The following SGCZ variants were observed in gnomAD, a reference collection of about 807,000 sequenced individuals.
SGCZ encodes the protein zeta-sarcoglycan.
Under a neutral mutation model 41.3 loss-of-function variants are expected in SGCZ, and 40 were observed. The ratio of observed to expected loss-of-function variants is 0.97; its 90% CI spans 0.75 to 1.26. The LOEUF (loss-of-function observed/expected upper bound fraction) is 1.26, where lower values mean the gene tolerates loss of function less well. Ranked by LOEUF, SGCZ falls within the 50% of genes most tolerant of loss-of-function variation. The pLI, the probability that SGCZ is intolerant of heterozygous loss-of-function variation, is 0.00. For missense variants in SGCZ, 552 were observed against 369.8 expected (o/e 1.49, Z -4.04); for synonymous variants, 206 against 137.5 (o/e 1.50, Z -3.49).
At chr8:14,272,008 G>C (rs540965530) in intron 3 of SGCZ, among the ~76,000 whole-genome samples, 3 of 152,040 alleles carry the variant, frequency 2.0e-5, no homozygotes, top group Admixed American at 2.0e-4. Context: ...AATGCCCTAA[G>C]TAATTTTATT....
At chr8:14,623,681 T>A (rs1483434226) in intron 1 of SGCZ, among the ~76,000 whole-genome samples, 2 of 152,214 alleles carry the variant, frequency 1.3e-5, no homozygotes, top group Non-Finnish European at 2.9e-5. Context: ...GTAATGTTTA[T>A]AATTTTTAAC....
At chr8:14,778,842 A>T (rs1800494502) in intron 1 of SGCZ, among the ~76,000 whole-genome samples, 2 of 152,368 alleles carry the variant, frequency 1.3e-5, no homozygotes, top group South Asian at 4.1e-4. Flanking sequence ...TGAAGAGGAT[A>T]TGAATTAACA....
intron 1 of SGCZ, among the ~76,000 whole-genome samples, chr8:14,565,212 A>G (rs1161252274): frequency 6.6e-6 from 1 of 152,228 alleles, no homozygotes; most frequent in Non-Finnish European, 1.5e-5. Context: ...AATTTTTTTC[A>G]GTCATTCTTA....
chr8:14,205,433 A>G (rs1805587078), intron 4 of SGCZ, among the ~76,000 whole-genome samples: 1 of 152,180 alleles, frequency 6.6e-6, no homozygotes. Flanking sequence ...TGCAGAGGTT[A>G]TGTAAGAAAT....
At chr8:14,850,928 G>A (rs147547845) in intron 1 of SGCZ, among the ~76,000 whole-genome samples, 20 of 152,194 alleles carry the variant, frequency 1.3e-4, no homozygotes, top group African/African-American at 2.6e-4. Context: ...CTCTCCAGCC[G>A]TACTGTGATT....
At chr8:14,104,914 C>G (rs1487834137) in intron 6 of SGCZ, among the ~76,000 whole-genome samples, 3 of 152,088 alleles carry the variant, frequency 2.0e-5, no homozygotes, top group East Asian at 1.9e-4. Context: ...CATTTATTTT[C>G]TTATTCAGTA....
At chr8:15,217,806 TG>T (rs1801461712) in intron 1 of SGCZ, among the ~76,000 whole-genome samples, 1 of 152,126 alleles carries the variant, frequency 6.6e-6, no homozygotes, top group South Asian at 2.1e-4. Flanking sequence ...ACTAGGGCTC[TG>T]GCTGTGCGTG....
At chr8:14,775,991 A>G (rs969369467) in intron 1 of SGCZ, among the ~76,000 whole-genome samples, 1 of 152,220 alleles carries the variant, frequency 6.6e-6, no homozygotes, top group African/African-American at 2.4e-5. Flanking sequence ...CCATCGTGGA[A>G]ACACAGAAAC....
At chr8:14,282,064 G>C (rs1404201938) in intron 3 of SGCZ, among the ~76,000 whole-genome samples, 2 of 151,844 alleles carry the variant, frequency 1.3e-5, no homozygotes, top group Admixed American at 6.6e-5. Flanking sequence ...AATAAACTTA[G>C]TCTTTCTATA....
At chr8:15,223,212 G>A (rs1051534770) in intron 1 of SGCZ, among the ~76,000 whole-genome samples, 8 of 151,862 alleles carry the variant, frequency 5.3e-5, no homozygotes, top group South Asian at 4.2e-4. Context: ...CCAAAGATAC[G>A]GAAAATAAAA....
In SGCZ at chr8:14,702,848, G is replaced by C. The variant is rs1003478681; in HGVS notation, c.40-147922C>G. Among the ~76,000 whole-genome samples, 17 of 136,350 alleles carry C rather than the reference G, an allele frequency of 1.2e-4. 1 individual carries two copies. The highest frequency in any genetic ancestry group is 4.5e-4 in the African/African-American group (17 of 37,848). 89.5% of individuals were successfully genotyped at this position (136,350 alleles called of 152,430 possible). A position where few individuals can be genotyped will look rare whatever the true frequency, so the allele number is the denominator to read the frequency against. ...AGATAGATAGATAGATAGATAGATA[G>C]ATAGATAGATAGATAGATAGATAGA... On this transcript the variant is annotated intron_variant, in intron 1 of 7. Coordinates refer to ENST00000382080, the MANE Select transcript of SGCZ (RefSeq NM_139167.4).
chr8:14,964,941 C>G (rs1416018507), intron 1 of SGCZ, among the ~76,000 whole-genome samples: 1 of 152,118 alleles, frequency 6.6e-6, no homozygotes, highest in South Asian at 2.1e-4. Flanking sequence ...CCTAAGGCCA[C>G]TCAACTCGCT....
chr8:14,690,362 C>T (rs1216651081), intron 1 of SGCZ: 5 of 152,074 alleles, frequency 3.3e-5, no homozygotes, highest in Admixed American at 2.6e-4. Context: ...GCTAGGGTCC[C>T]AGCAACCCAG....
At chr8:14,643,835 T>C (rs189833566) in intron 1 of SGCZ, among the ~76,000 whole-genome samples, 1 of 151,808 alleles carries the variant, frequency 6.6e-6, no homozygotes, top group African/African-American at 2.4e-5. Flanking sequence ...ACAGAAACCC[T>C]CTTTTCACAG....
chr8:14,231,611 C>T (rs1806574952), intron 4 of SGCZ, among the ~76,000 whole-genome samples: 1 of 151,902 alleles, frequency 6.6e-6, no homozygotes, highest in South Asian at 2.1e-4. Flanking sequence ...CATTTGTCTC[C>T]CATCCACAAT....
chr8:14,932,946 G>A (rs1799960138), intron 1 of SGCZ, among the ~76,000 whole-genome samples: 1 of 151,914 alleles, frequency 6.6e-6, no homozygotes, highest in African/African-American at 2.4e-5. Flanking sequence ...AATTAACACA[G>A]GAAGGGAAAA....
intron 2 of SGCZ, among the ~76,000 whole-genome samples, chr8:14,340,167 G>T (rs1409756249): frequency 6.6e-6 from 1 of 151,832 alleles, no homozygotes; most frequent in Non-Finnish European, 1.5e-5. Flanking sequence ...TCCAGTCTAT[G>T]ATATAATATC....
At chr8:14,591,360 T>C (rs769415863) in intron 1 of SGCZ, among the ~76,000 whole-genome samples, 11 of 152,040 alleles carry the variant, frequency 7.2e-5, no homozygotes, top group Non-Finnish European at 1.5e-4. Flanking sequence ...AATGAATTGA[T>C]ATGTTATTAA....
chr8:14,135,220 A>C lies in SGCZ; in HGVS notation c.548-26985T>G, dbSNP rs373808957. The stretch of plus-strand genomic sequence containing the variant: ...AGTAATTTTGTTTAAATGAATAAAT[A>C]ATAAAATAAATTCAAAGCTTTTTCA... On this transcript the variant is annotated intron_variant, in intron 5 of 7. Coordinates refer to ENST00000382080, the MANE Select transcript of SGCZ (RefSeq NM_139167.4). Among the ~76,000 whole-genome samples, 17 of 152,382 alleles carry C rather than the reference A, an allele frequency of 1.1e-4. No homozygotes were observed. The South Asian group carries it at 3.5e-3, about 32-fold the overall frequency.
Sources: gnomAD v4.1 joint callset for allele counts (sites outside exome capture counted in the v4.1 genomes callset) on GRCh38, gnomAD v4.1.1 for gene constraint, MANE v1.5 for transcripts, NCBI Gene and HGNC (gene_info 2026-07-23, HGNC 2026-07-21) for gene names.